FSAF1: variants seen among roughly 807,000 people sequenced by gnomAD.
FSAF1 encodes 40S small subunit processome assembly factor 1, also known as uncharacterized protein C1orf131.
At chr1:231,225,565 T>C in the FSAF1 span, 1 of 1,556,978 alleles carries the variant, frequency 6.4e-7, no homozygotes, top group Non-Finnish European at 8.9e-7. Flanking sequence ...TAGTAGTGGA[T>C]AATGGGATTC....
At chr1:231,232,154 A>G in the FSAF1 span, among the ~76,000 whole-genome samples, 1 of 152,172 alleles carries the variant, frequency 6.6e-6, no homozygotes, top group African/African-American at 2.4e-5. Flanking sequence ...ACTTCAGTAC[A>G]TTATTCATAA....
At chr1:231,232,895 G>A in the FSAF1 span, among the ~76,000 whole-genome samples, 5 of 152,186 alleles carry the variant, frequency 3.3e-5, no homozygotes, top group Non-Finnish European at 7.3e-5. Flanking sequence ...AGAGAGAGTA[G>A]CCCGGTAAAC....
the FSAF1 span, among the ~76,000 whole-genome samples, chr1:231,231,679 A>C: frequency 6.6e-6 from 1 of 152,124 alleles, no homozygotes; most frequent in South Asian, 2.1e-4. Flanking sequence ...ACAGTAATAA[A>C]ATTCTTGGCC....
the FSAF1 span, among the ~76,000 whole-genome samples, chr1:231,233,787 G>A: frequency 6.6e-6 from 1 of 152,204 alleles, no homozygotes; most frequent in Non-Finnish European, 1.5e-5. Flanking sequence ...TCCTGACCTT[G>A]TGATCCGCCT....
the FSAF1 span, among the ~76,000 whole-genome samples, chr1:231,235,176 A>G: frequency 2.0e-5 from 3 of 152,220 alleles, no homozygotes; most frequent in Non-Finnish European, 4.4e-5. Flanking sequence ...TACTATTTCC[A>G]GCCAAATTAC....
the FSAF1 span, among the ~76,000 whole-genome samples, chr1:231,234,377 A>G: frequency 2.6e-5 from 4 of 152,218 alleles, no homozygotes; most frequent in Admixed American, 6.5e-5. This position sits in a 1 kb window ranked among gnomAD's most constrained non-coding sequence, Gnocchi z 4.0. Context: ...AGCAACACAC[A>G]GGTGTGTTAA....
chr1:231,229,495 A>G, the FSAF1 span, among the ~76,000 whole-genome samples: 1 of 152,230 alleles, frequency 6.6e-6, no homozygotes, highest in African/African-American at 2.4e-5. Context: ...ATGATCTGAC[A>G]ATTCCTCTTC....
the FSAF1 span, chr1:231,225,297 G>A: frequency 1.6e-6 from 1 of 610,720 alleles, no homozygotes; most frequent in Non-Finnish European, 3.0e-6. Flanking sequence ...CAGTTCTCAG[G>A]CAGTTGTTTG....
At chr1:231,240,944 C>G in the FSAF1 span, 2 of 1,304,342 alleles carry the variant, frequency 1.5e-6, no homozygotes, top group Non-Finnish European at 2.2e-6. This position sits in a 1 kb window ranked among gnomAD's most constrained non-coding sequence, Gnocchi z 4.1. Context: ...AAAGCAGAGG[C>G]CAACCCAGGA....
At chr1:231,238,664 T>C in the FSAF1 span, 5 of 513,352 alleles carry the variant, frequency 9.7e-6, no homozygotes, top group Admixed American at 3.4e-5. Flanking sequence ...AGAACTTGAA[T>C]AACTAAGGTC....
At chr1:231,227,681 T>C in the FSAF1 span, among the ~76,000 whole-genome samples, 2 of 145,908 alleles carry the variant, frequency 1.4e-5, no homozygotes, top group East Asian at 2.1e-4. Flanking sequence ...CTCTGCCTCC[T>C]GGGTTCATGC....
chr1:231,238,711 C>T, the FSAF1 span: 1 of 696,714 alleles, frequency 1.4e-6, no homozygotes, highest in East Asian at 2.7e-5. Flanking sequence ...GGGCTATATG[C>T]TGAGTCTTGG....
At chr1:231,238,825 A>C in the FSAF1 span, 1 of 1,565,578 alleles carries the variant, frequency 6.4e-7, no homozygotes, top group East Asian at 2.2e-5. Context: ...CAGGGGGTTC[A>C]CCACGTATAT....
chr1:231,225,793 A>C, the FSAF1 span: 1 of 455,282 alleles, frequency 2.2e-6, no homozygotes, highest in Non-Finnish European at 4.0e-6. Context: ...GTTCAAGACC[A>C]GCCTGGGCAA....
the FSAF1 span, among the ~76,000 whole-genome samples, chr1:231,231,416 C>T: frequency 1.3e-5 from 2 of 152,162 alleles, no homozygotes; most frequent in African/African-American, 4.8e-5. Flanking sequence ...ATATTTACCG[C>T]CTTTTCTAAA....
the FSAF1 span, among the ~76,000 whole-genome samples, chr1:231,233,559 A>C: frequency 6.6e-6 from 1 of 150,610 alleles, no homozygotes; most frequent in East Asian, 1.9e-4. Context: ...TGAACAAAAA[A>C]TTTTTTTTTT....
the FSAF1 span, among the ~76,000 whole-genome samples, chr1:231,230,831 C>T: frequency 2.6e-5 from 4 of 152,136 alleles, no homozygotes; most frequent in South Asian, 2.1e-4. Context: ...GGGGTTATTA[C>T]GATATAACTG....
the FSAF1 span, chr1:231,238,962 TGCA>T: frequency 5.0e-6 from 8 of 1,614,218 alleles, no homozygotes; most frequent in Admixed American, 1.7e-5. Context: ...AGGGAGGAAC[TGCA>T]GCAGCAAGGA....
the FSAF1 span, chr1:231,237,763 C>G: frequency 6.6e-6 from 1 of 152,206 alleles, no homozygotes; most frequent in Non-Finnish European, 1.5e-5. Flanking sequence ...GGCTTAGAAA[C>G]TAATACGTTC....
Sources: gnomAD v4.1 joint callset for allele counts (sites outside exome capture counted in the v4.1 genomes callset) on GRCh38, gnomAD v4.1.1 for gene constraint, Gnocchi (gnomAD v3.1) non-coding constraint, MANE v1.5 for transcripts, NCBI Gene and HGNC (gene_info 2026-07-23, HGNC 2026-07-21) for gene names.